Variants in ZCCHC7 observed in about 807,000 individuals in gnomAD.
ZCCHC7 encodes the protein zinc finger CCHC-type containing 7, also known as zinc finger CCHC domain-containing protein 7.
ZCCHC7 carries 35 observed loss-of-function variants against 52.0 expected under a neutral mutation model. The observed-to-expected ratio is 0.67, with a 90% CI of 0.51 to 0.89. The LOEUF (loss-of-function observed/expected upper bound fraction) is 0.89, where lower values mean the gene tolerates loss of function less well. Ranked by LOEUF, ZCCHC7 falls within the 40% of genes least tolerant of loss-of-function variation. ZCCHC7 has a pLI of 0.00. For missense variants in ZCCHC7, 574 were observed against 649.1 expected (o/e 0.88, Z 1.26); for synonymous variants, 217 against 221.5 (o/e 0.98, Z 0.18).
chr9:37,159,832 C>A (rs1331098386), intron 2 of ZCCHC7, among the ~76,000 whole-genome samples: 1 of 152,148 alleles, frequency 6.6e-6, no homozygotes, highest in African/African-American at 2.4e-5. Flanking sequence ...TCATTAGGTT[C>A]TCTGGCAAGT....
intron 7 of ZCCHC7, among the ~76,000 whole-genome samples, chr9:37,351,114 A>G (rs1821350219): frequency 6.6e-6 from 1 of 152,140 alleles, no homozygotes; most frequent in Non-Finnish European, 1.5e-5. Flanking sequence ...ATCCATAAAC[A>G]GATAAAGTTT....
At chr9:37,353,819 G>T (rs1309452883) in intron 7 of ZCCHC7, among the ~76,000 whole-genome samples, 1 of 152,064 alleles carries the variant, frequency 6.6e-6, no homozygotes, top group Non-Finnish European at 1.5e-5. Flanking sequence ...TATTCTAATT[G>T]TTTTTCATTA....
intron 2 of ZCCHC7, among the ~76,000 whole-genome samples, chr9:37,133,076 G>T (rs1219769529): frequency 1.3e-5 from 2 of 152,218 alleles, no homozygotes; most frequent in African/African-American, 4.8e-5. Flanking sequence ...GGAGGTTGCA[G>T]TGAGCCGAGA....
At chr9:37,352,744 C>T (rs1241358810) in intron 7 of ZCCHC7, among the ~76,000 whole-genome samples, 3 of 149,518 alleles carry the variant, frequency 2.0e-5, no homozygotes, top group Admixed American at 6.7e-5. Flanking sequence ...CATCTGTTCT[C>T]GAACTCCTGA....
intron 2 of ZCCHC7, among the ~76,000 whole-genome samples, chr9:37,194,852 A>T (rs1356824098): frequency 2.0e-5 from 3 of 152,146 alleles, no homozygotes; most frequent in Admixed American, 1.3e-4. Flanking sequence ...CTCTATCCAA[A>T]GGATGTCTTT....
intron 2 of ZCCHC7, among the ~76,000 whole-genome samples, chr9:37,138,646 A>T (rs1180543240): frequency 6.6e-6 from 1 of 151,860 alleles, no homozygotes; most frequent in African/African-American, 2.4e-5. Context: ...TATTGAACTA[A>T]TGACTTAGTT....
intron 2 of ZCCHC7, among the ~76,000 whole-genome samples, chr9:37,190,963 G>A (rs996632635): frequency 6.6e-5 from 10 of 151,690 alleles, no homozygotes; most frequent in Non-Finnish European, 1.5e-4. Flanking sequence ...CGGAGGTTGC[G>A]GTGAGCCGAG....
intron 2 of ZCCHC7, among the ~76,000 whole-genome samples, chr9:37,233,313 C>T (rs545053574): frequency 2.5e-4 from 38 of 152,132 alleles, no homozygotes; most frequent in Non-Finnish European, 4.6e-4. Flanking sequence ...ATACCAAATG[C>T]TGTCATTTTC....
Position 37,336,169 on chromosome 9 carries a change from A to T in ZCCHC7, c.987+8335A>T, listed in dbSNP as rs141837317. Among the ~76,000 whole-genome samples, 123 of 152,242 alleles carry T rather than the reference A, an allele frequency of 8.1e-4. 1 individual carries two copies. The highest frequency in any genetic ancestry group is 2.8e-3 in the African/African-American group (116 of 41,566). On this transcript the variant is annotated intron_variant, in intron 6 of 8. Coordinates refer to ENST00000336755, the MANE Select transcript of ZCCHC7 (RefSeq NM_032226.3). ...TGCCTTCACATGATTAACACCAAAA[A>T]CCAGCCTGATTTCATAGCAAAATGT...
intron 2 of ZCCHC7, among the ~76,000 whole-genome samples, chr9:37,257,371 G>A (rs1826641631): frequency 6.6e-6 from 1 of 152,146 alleles, no homozygotes; most frequent in African/African-American, 2.4e-5. Context: ...ACCTTCAGTA[G>A]AACAATCCTT....
chr9:37,122,712 G>T (rs1003832944), intron 1 of ZCCHC7, among the ~76,000 whole-genome samples: 1 of 152,222 alleles, frequency 6.6e-6, no homozygotes, highest in African/African-American at 2.4e-5. Context: ...GTCCGAGTGG[G>T]GCGGATCACG....
intron 2 of ZCCHC7, among the ~76,000 whole-genome samples, chr9:37,198,853 CA>C (rs1365287679): frequency 4.6e-5 from 7 of 152,176 alleles, no homozygotes; most frequent in Non-Finnish European, 7.3e-5. Context: ...GAAGAGGCAT[CA>C]AAGACTCGTG....
At chr9:37,288,677 G>A (rs1421145338) in intron 2 of ZCCHC7, among the ~76,000 whole-genome samples, 1 of 152,066 alleles carries the variant, frequency 6.6e-6, no homozygotes, top group Non-Finnish European at 1.5e-5. Context: ...TCAGTTCTCA[G>A]TCTTTTTCTT....
chr9:37,258,711 G>A (rs978165639), intron 2 of ZCCHC7, among the ~76,000 whole-genome samples: 6 of 135,170 alleles, frequency 4.4e-5, no homozygotes, highest in South Asian at 2.4e-4. Flanking sequence ...GTGATTGTTC[G>A]TGCCACTGCA....
intron 2 of ZCCHC7, among the ~76,000 whole-genome samples, chr9:37,264,500 T>A (rs1827010235): frequency 6.6e-6 from 1 of 152,190 alleles, no homozygotes; most frequent in Non-Finnish European, 1.5e-5. Context: ...AACTTTTATG[T>A]ATCCCACTGC....
At chr9:37,346,685 C>T (rs933944367) in intron 6 of ZCCHC7, among the ~76,000 whole-genome samples, 3 of 152,008 alleles carry the variant, frequency 2.0e-5, no homozygotes, top group African/African-American at 7.2e-5. Context: ...AAAGAAAAAA[C>T]AAAATTAGGG....
intron 2 of ZCCHC7, among the ~76,000 whole-genome samples, chr9:37,198,541 A>T (rs536250868): frequency 6.6e-6 from 1 of 152,224 alleles, no homozygotes; most frequent in East Asian, 1.9e-4. Flanking sequence ...CCGTCTGTCT[A>T]TTTTAGTCTT....
At chr9:37,163,999 T>C (rs1336631700) in intron 2 of ZCCHC7, among the ~76,000 whole-genome samples, 1 of 152,230 alleles carries the variant, frequency 6.6e-6, no homozygotes, top group Non-Finnish European at 1.5e-5. Flanking sequence ...TTCTGTTTAT[T>C]TGTCTTTCAT....
chr9:37,169,397 C>T (rs557029389), intron 2 of ZCCHC7, among the ~76,000 whole-genome samples: 33 of 152,258 alleles, frequency 2.2e-4, no homozygotes, highest in African/African-American at 7.0e-4. Context: ...GGGGCCTACC[C>T]GCTAGAGGTG....
Sources: allele counts gnomAD v4.1 joint callset (sites outside exome capture counted in the v4.1 genomes callset), GRCh38; gene constraint gnomAD v4.1.1; transcripts MANE v1.5; gene names NCBI Gene and HGNC (gene_info 2026-07-23, HGNC 2026-07-21).